DPYD: variants seen among roughly 807,000 people sequenced by gnomAD.
DPYD encodes the protein dihydropyrimidine dehydrogenase, also known as dihydropyrimidine dehydrogenase [NADP(+)].
In DPYD, 109 loss-of-function variants were observed where a neutral mutation model predicts 116.2. The observed-to-expected ratio is 0.94, with a 90% CI of 0.80 to 1.10. DPYD has a LOEUF of 1.10. Among genes scored for constraint, DPYD ranks in the 50% least tolerant of loss-of-function variants. The pLI is 0.00. For synonymous variants in DPYD, 440 were observed against 432.0 expected (o/e 1.02, Z -0.23); for missense variants, 1,302 against 1,254.5 (o/e 1.04, Z -0.57).
intron 13 of DPYD, among the ~76,000 whole-genome samples, chr1:97,490,968 T>C (rs1389990524): frequency 1.3e-5 from 2 of 151,010 alleles, no homozygotes; most frequent in Middle Eastern, 3.2e-3. Flanking sequence ...TGTAACTAAA[T>C]AGTGAATATA....
rs573203603 is a variant in DPYD at position 97,669,973 on chromosome 1, G to C, written c.850+9122C>G. Among the ~76,000 whole-genome samples the C allele has an allele frequency of 2.6e-5, 4 of 152,242 alleles. No homozygotes were observed. The South Asian group carries it at 8.3e-4, about 32-fold the overall frequency. Reference sequence around the variant, plus strand: ...TCGTAAGATAAGAGCTGTGTGGTTTGTAGTGTGAAAATAGCTATCCAACAG... The same window carrying C: ...TCGTAAGATAAGAGCTGTGTGGTTTCTAGTGTGAAAATAGCTATCCAACAG... On this transcript the variant is annotated intron_variant, in intron 8 of 22. Coordinates refer to ENST00000370192, the MANE Select transcript of DPYD (RefSeq NM_000110.4).
intron 14 of DPYD, among the ~76,000 whole-genome samples, chr1:97,403,493 T>G (rs1673481932): frequency 6.6e-6 from 1 of 152,088 alleles, no homozygotes; most frequent in Admixed American, 6.6e-5. Context: ...TTGATTTCTT[T>G]AATAGATATA....
At chr1:97,364,429 G>GA (rs915639585) in intron 16 of DPYD, among the ~76,000 whole-genome samples, 13 of 151,882 alleles carry the variant, frequency 8.6e-5, no homozygotes, top group African/African-American at 2.7e-4. Context: ...ATCAATCCTA[G>GA]AAAAAAATAA....
At chr1:97,193,338 T>C in intron 19 of DPYD, 90 bp from the exon 20 acceptor site, 1 of 1,348,296 alleles carries the variant, frequency 7.4e-7, no homozygotes, top group Non-Finnish European at 1.0e-6. Context: ...AAATATTTAT[T>C]TTATGTGCCA....
chr1:97,724,301 GGGGGGGGTGT>G (rs1663097555), intron 4 of DPYD, among the ~76,000 whole-genome samples: 2 of 15,512 alleles, frequency 1.3e-4, no homozygotes, highest in African/African-American at 4.6e-4. Flanking sequence ...TGTGGGGGGG[GGGGGGGGTGT>G]GTGTGTGTGT....
chr1:97,118,872 C>A (rs577871475), intron 20 of DPYD, among the ~76,000 whole-genome samples: 2 of 151,928 alleles, frequency 1.3e-5, no homozygotes, highest in South Asian at 2.1e-4. Context: ...GGTGGTTTAG[C>A]GCATATCATC....
chr1:97,253,337 C>T (rs1570764364), intron 18 of DPYD, among the ~76,000 whole-genome samples: 1 of 152,136 alleles, frequency 6.6e-6, no homozygotes, highest in Non-Finnish European at 1.5e-5. Context: ...CTTTCTGGAG[C>T]ATTTTTACTT....
intron 14 of DPYD, among the ~76,000 whole-genome samples, chr1:97,441,617 T>G (rs1675803454): frequency 6.6e-6 from 1 of 152,162 alleles, no homozygotes; most frequent in African/African-American, 2.4e-5. Context: ...TATAACAGCT[T>G]TATTGTACTT....
At chr1:97,830,891 T>A (rs1669510544) in intron 2 of DPYD, among the ~76,000 whole-genome samples, 1 of 152,094 alleles carries the variant, frequency 6.6e-6, no homozygotes, top group Non-Finnish European at 1.5e-5. Context: ...AGCGGCAACC[T>A]TAATAATAAT....
chr1:97,575,904 G>A (rs1027417065), intron 10 of DPYD, among the ~76,000 whole-genome samples: 1 of 152,012 alleles, frequency 6.6e-6, no homozygotes, highest in African/African-American at 2.4e-5. Flanking sequence ...GCTATTTTCT[G>A]AATTCACTTT....
At chr1:97,657,355 T>C (rs182362461) in intron 8 of DPYD, among the ~76,000 whole-genome samples, 1 of 152,346 alleles carries the variant, frequency 6.6e-6, no homozygotes, top group East Asian at 1.9e-4. Flanking sequence ...TTTCTGTAGA[T>C]ATTTATTCAC....
intron 18 of DPYD, among the ~76,000 whole-genome samples, chr1:97,257,033 C>T (rs1663528257): frequency 6.6e-6 from 1 of 151,936 alleles, no homozygotes; most frequent in Non-Finnish European, 1.5e-5. Flanking sequence ...AAAAAGAAAT[C>T]AGAAGACTCA....
intron 15 of DPYD, among the ~76,000 whole-genome samples, chr1:97,378,608 G>A (rs1212716778): frequency 6.6e-6 from 1 of 152,082 alleles, no homozygotes; most frequent in East Asian, 1.9e-4. Flanking sequence ...AAGTTCATGG[G>A]TGCCAAATAA....
chr1:97,079,284 AGCAACAGTT>A, intron 22 of DPYD, 138 bp from the exon 23 acceptor site: 1 of 847,710 alleles, frequency 1.2e-6, no homozygotes, highest in Non-Finnish European at 2.0e-6. Context: ...GTGCAACTAT[AGCAACAGTT>A]GAGCTGACAG....
chr1:97,170,030 G>T (rs1168620618), intron 20 of DPYD, among the ~76,000 whole-genome samples: 2 of 152,190 alleles, frequency 1.3e-5, no homozygotes, highest in Non-Finnish European at 2.9e-5. Flanking sequence ...TATGAGGCTA[G>T]GTATCCTCTA....
intron 19 of DPYD, among the ~76,000 whole-genome samples, chr1:97,194,202 T>C (rs1482143941): frequency 1.3e-5 from 2 of 152,178 alleles, no homozygotes; most frequent in African/African-American, 4.8e-5. Context: ...TGAATTGTAG[T>C]TCCCATAATC....
intron 19 of DPYD, among the ~76,000 whole-genome samples, chr1:97,227,331 CAAAAAAAAA>C (rs60992225): frequency 3.8e-5 from 1 of 26,378 alleles, no homozygotes; most frequent in Non-Finnish European, 7.9e-5. Flanking sequence ...GACTCTATCT[CAAAAAAAAA>C]AAAAAAAAAA....
chr1:97,316,279 C>T (rs1667827943), intron 16 of DPYD, among the ~76,000 whole-genome samples: 1 of 151,052 alleles, frequency 6.6e-6, no homozygotes, highest in Non-Finnish European at 1.5e-5. Flanking sequence ...CACTTGAGGT[C>T]AGGCGTTCAA....
At chr1:97,913,129 C>G (rs965444330) in intron 1 of DPYD, among the ~76,000 whole-genome samples, 2 of 151,994 alleles carry the variant, frequency 1.3e-5, no homozygotes, top group Non-Finnish European at 2.9e-5. Flanking sequence ...AGAACTCCAG[C>G]CATATATAGT....
Sources: allele counts gnomAD v4.1 joint callset (sites outside exome capture counted in the v4.1 genomes callset), GRCh38; gene constraint gnomAD v4.1.1; transcripts MANE v1.5; gene names NCBI Gene and HGNC (gene_info 2026-07-23, HGNC 2026-07-21).